CPA6: variants seen among roughly 807,000 people sequenced by gnomAD.
CPA6 encodes the protein carboxypeptidase B.
In CPA6, 58 loss-of-function variants were observed where a neutral mutation model predicts 63.3. That is an observed-to-expected ratio of 0.92 (90% CI 0.74 to 1.14). The LOEUF (loss-of-function observed/expected upper bound fraction) is 1.14. Ranked by LOEUF, CPA6 falls within the 50% of genes most tolerant of loss-of-function variation. The pLI is 0.00. For synonymous variants in CPA6, 185 were observed against 179.0 expected, an observed-to-expected ratio of 1.03 and a Z score of -0.27; for missense variants, 565 against 526.6, an observed-to-expected ratio of 1.07 and a Z score of -0.71.
intron 5 of CPA6, among the ~76,000 whole-genome samples, chr8:67,509,292 G>A (rs576299596): frequency 1.6e-4 from 25 of 152,188 alleles, no homozygotes; most frequent in African/African-American, 5.5e-4. Flanking sequence ...CAAATACTTC[G>A]CATCAATAAC....
chr8:67,558,608 T>C (rs748867541), intron 2 of CPA6, among the ~76,000 whole-genome samples: 11 of 152,228 alleles, frequency 7.2e-5, no homozygotes, highest in African/African-American at 2.4e-4. Flanking sequence ...ACAGTTTTCA[T>C]TGGATGAACC....
chr8:67,718,934 C>A (rs145362082), intron 1 of CPA6, among the ~76,000 whole-genome samples: 1 of 152,044 alleles, frequency 6.6e-6, no homozygotes, highest in Non-Finnish European at 1.5e-5. Context: ...CATGAGCCAC[C>A]GCACCTGGCC....
chr8:67,549,342 T>C (rs952488409), intron 2 of CPA6, among the ~76,000 whole-genome samples: 6 of 152,278 alleles, frequency 3.9e-5, no homozygotes, highest in African/African-American at 1.4e-4. Context: ...TAGAATCATT[T>C]ATTTTCCTTT....
intron 2 of CPA6, among the ~76,000 whole-genome samples, chr8:67,623,442 C>A (rs1192648231): frequency 1.3e-5 from 2 of 151,090 alleles, no homozygotes; most frequent in Non-Finnish European, 2.9e-5. Context: ...GGGTTTCTCT[C>A]TTTTGCCCAG....
chr8:67,670,958 T>A (rs975815662), intron 1 of CPA6, among the ~76,000 whole-genome samples: 2 of 152,242 alleles, frequency 1.3e-5, no homozygotes, highest in East Asian at 3.8e-4. Context: ...AATTCATCTG[T>A]AGACACAAAC....
chr8:67,631,971 A>G (rs1815344058), intron 1 of CPA6, among the ~76,000 whole-genome samples: 1 of 152,134 alleles, frequency 6.6e-6, no homozygotes. Flanking sequence ...AACTCCAGAC[A>G]CACCACCTTT....
At chr8:67,732,265 G>A (rs1021679220) in intron 1 of CPA6, among the ~76,000 whole-genome samples, 11 of 152,192 alleles carry the variant, frequency 7.2e-5, no homozygotes, top group African/African-American at 2.2e-4. Flanking sequence ...TCCGAAAGCC[G>A]TAAGGGCAAA....
At chr8:67,659,593 A>G (rs1334816959) in intron 1 of CPA6, among the ~76,000 whole-genome samples, 1 of 152,170 alleles carries the variant, frequency 6.6e-6, no homozygotes, top group Non-Finnish European at 1.5e-5. Context: ...TGGCGCTTGG[A>G]TTATTATTGA....
chr8:67,729,746 C>T (rs1477989977), intron 1 of CPA6, among the ~76,000 whole-genome samples: 4 of 152,112 alleles, frequency 2.6e-5, no homozygotes, highest in African/African-American at 7.2e-5. Context: ...CCCTGTAAGC[C>T]GCTCAGAGCC....
Position 67,746,095 on chromosome 8 carries a change from G to T in CPA6, c.35C>A (p.Ala12Asp), listed in dbSNP as rs775886277. 2 of 1,613,920 alleles carry T rather than the reference G, an allele frequency of 1.2e-6. No homozygotes were observed. Among genetic ancestry groups the T allele is most frequent in the South Asian group, 2.2e-5 (2 of 91,046 alleles). ...KCLGKRRGQAAAFLPLCWLFL... is the reference protein window; with the variant it reads ...KCLGKRRGQADAFLPLCWLFL... The stretch of plus-strand genomic sequence containing the variant: ...GAGCCAGCAAAGAGGCAGGAAAGCA[G>T]CTGCCTGGCCCCTGCGCTTCCCGAG... Residue 12 changes from alanine (A) to aspartate (D), a missense_variant, in exon 1 of 11, where the codon GCT becomes GAT. Physicochemically the swap from Ala to Asp is moderately radical, Grantham distance 126. Coordinates refer to ENST00000297770, the MANE Select transcript of CPA6 (RefSeq NM_020361.5).
intron 2 of CPA6, among the ~76,000 whole-genome samples, chr8:67,535,996 C>T (rs781082009): frequency 2.6e-5 from 4 of 152,048 alleles, no homozygotes; most frequent in African/African-American, 9.7e-5. Flanking sequence ...TGTCAGTTTG[C>T]CAAAGATCAG....
intron 2 of CPA6, 47 bp downstream of exon 2, chr8:67,624,129 C>T (rs2128986946): frequency 6.9e-6 from 8 of 1,165,268 alleles, no homozygotes; most frequent in Non-Finnish European, 1.0e-5. Flanking sequence ...TCCCTGTAAA[C>T]ACTCCACAAG....
chr8:67,583,943 G>T (rs757708822), intron 2 of CPA6, among the ~76,000 whole-genome samples: 4 of 151,948 alleles, frequency 2.6e-5, no homozygotes, highest in African/African-American at 4.8e-5. Flanking sequence ...GGATCATGAG[G>T]TCAGGAGATC....
intron 2 of CPA6, among the ~76,000 whole-genome samples, chr8:67,567,217 T>G (rs1813359297): frequency 6.6e-6 from 1 of 152,188 alleles, no homozygotes; most frequent in African/African-American, 2.4e-5. Flanking sequence ...CTCTCTCTTA[T>G]GGGATATCAG....
intron 2 of CPA6, among the ~76,000 whole-genome samples, chr8:67,529,586 G>A (rs1406284004): frequency 6.6e-6 from 1 of 152,202 alleles, no homozygotes; most frequent in East Asian, 1.9e-4. Flanking sequence ...AAAACAGAGG[G>A]ATTTTTAAGT....
chr8:67,439,257 C>G (rs1186481534), intron 8 of CPA6, among the ~76,000 whole-genome samples: 1 of 152,098 alleles, frequency 6.6e-6, no homozygotes, highest in African/African-American at 2.4e-5. Flanking sequence ...GGTGCCATTG[C>G]ACTCTAGTCT....
chr8:67,546,331 T>G (rs1347515833), intron 2 of CPA6, among the ~76,000 whole-genome samples: 1 of 152,192 alleles, frequency 6.6e-6, no homozygotes, highest in African/African-American at 2.4e-5. Context: ...TTATTAAGCT[T>G]TCTCAGTCTG....
At chr8:67,566,300 C>T (rs1170147632) in intron 2 of CPA6, among the ~76,000 whole-genome samples, 1 of 152,212 alleles carries the variant, frequency 6.6e-6, no homozygotes, top group Non-Finnish European at 1.5e-5. Context: ...CACCTTCTCT[C>T]TTGCACTGGG....
At chr8:67,656,237 C>T (rs184361174) in intron 1 of CPA6, among the ~76,000 whole-genome samples, 23 of 152,252 alleles carry the variant, frequency 1.5e-4, no homozygotes, top group South Asian at 4.1e-4. Context: ...CAACCAAAGT[C>T]GCAACTGATT....
Sources: gnomAD v4.1 joint callset for allele counts (sites outside exome capture counted in the v4.1 genomes callset) on GRCh38, gnomAD v4.1.1 for gene constraint, MANE v1.5 for transcripts, NCBI Gene and HGNC (gene_info 2026-07-23, HGNC 2026-07-21) for gene names.